Variants in TNFAIP3 observed in about 807,000 individuals in gnomAD.
TNFAIP3 encodes TNF alpha induced protein 3.
TNFAIP3 carries 9 observed loss-of-function variants against 72.4 expected under a neutral mutation model. That is an observed-to-expected ratio of 0.12 (90% CI 0.07 to 0.22). The LOEUF (loss-of-function observed/expected upper bound fraction) is 0.22, where lower values mean the gene tolerates loss of function less well. TNFAIP3 is among the 10% of genes least tolerant of loss of function. TNFAIP3 has a pLI of 1.00. For missense variants in TNFAIP3, 833 were observed against 1,018.7 expected, an observed-to-expected ratio of 0.82 and a Z score of 2.48; for synonymous variants, 339 against 372.6, an observed-to-expected ratio of 0.91 and a Z score of 1.04.
rs199763604 is a variant in TNFAIP3 at position 137,871,214 on chromosome 6, T to G, written c.-14T>G. 547 of 1,589,770 alleles carry G rather than the reference T, an allele frequency of 3.4e-4. 3 individuals are homozygous for G. The highest frequency in any genetic ancestry group is 2.5e-4 in the Admixed American group (14 of 56,338). ...TTTTTTTTTTCCTTTCCTTTTCAGG[T>G]GTTGGAGAGCACAATGGCTGAACAA... is the stretch of plus-strand genomic sequence containing the variant. On this transcript the variant is annotated splice_region_variant and 5_prime_UTR_variant, in exon 2 of 9. Transcript: ENST00000612899. This position sits in a 1 kb window ranked among gnomAD's most constrained non-coding sequence, Gnocchi z 4.2.
At chr6:137,877,314 C>A in intron 6 of TNFAIP3, 58 bp downstream of exon 6, 3 of 1,480,764 alleles carry the variant, frequency 2.0e-6, no homozygotes, top group East Asian at 2.4e-5. Flanking sequence ...TTAACCTCAG[C>A]CACCTGAGTT....
Position 137,878,934 on chromosome 6 carries a change from C to T in TNFAIP3, c.1489C>T (p.Arg497Cys), listed in dbSNP as rs2114501439. Residue 497 changes from arginine (R) to cysteine (C), a missense_variant, in exon 7 of 9, where the codon CGT becomes TGT. By Grantham distance (180) the Arg-to-Cys change is radical (BLOSUM62 -3). Transcript: ENST00000612899. ...LNVQHNGFCE[R>C]CHNARQLHAS... ...TGTGCAGCACAACGGATTTTGTGAA[C>T]GTTGCCACAACGCCCGGCAACTTCA... is the stretch of plus-strand genomic sequence containing the variant. 1 of 1,614,200 alleles carries T rather than the reference C, an allele frequency of 6.2e-7. No individual in the cohort carries two copies. Among genetic ancestry groups the T allele is most frequent in the Non-Finnish European group, 8.5e-7 (1 of 1,180,036 alleles).
intron 3 of TNFAIP3, among the ~76,000 whole-genome samples, chr6:137,875,262 A>G (rs950391319): frequency 1.3e-5 from 2 of 152,228 alleles, no homozygotes; most frequent in Admixed American, 6.5e-5. Context: ...TTCCTGTAGC[A>G]GCGAGTCTTT....
At position 137,878,994 on chromosome 6, in the gene TNFAIP3, G is replaced by A. The variant is rs140357085; in HGVS notation, c.1549G>A (p.Asp517Asn). Residue 517 changes from aspartate to asparagine, a missense_variant, in exon 7 of 9, where the codon GAT becomes AAT. Physicochemically the swap from Asp to Asn is conservative, Grantham distance 23. This residue lies in a region of TNFAIP3 where 587 missense variants were observed against 657.8 expected (regional missense o/e 0.89). Coordinates refer to ENST00000612899, the MANE Select transcript of TNFAIP3 (RefSeq NM_001270508.2). ...CGCCCCAGACCACACAAGGCACTTG[G>A]ATCCCGGGAAGTGCCAAGCCTGCCT... Reference protein sequence around the residue: ...SHAPDHTRHLDPGKCQACLQD... With the variant: ...SHAPDHTRHLNPGKCQACLQD... 3 of 1,614,108 alleles carry A rather than the reference G, an allele frequency of 1.9e-6. No individual in the cohort carries two copies. The highest frequency in any genetic ancestry group is 2.7e-5 in the African/African-American group (2 of 74,938).
Position 137,879,235 on chromosome 6 carries a change from C to T in TNFAIP3, c.1790C>T (p.Thr597Ile), listed in dbSNP as rs749301399. ...GGCTGCCTGTCTCAAGCTGCACGGA[C>T]TCCTGGGGACAGGACGGGGACGAGC... ...PAGCLSQAAR[T>I]PGDRTGTSKC... The change falls in exon 7 of 9, where the codon ACT (threonine) becomes ATT (isoleucine). Residue 597 changes from threonine (T) to isoleucine (I), a missense_variant. Around this residue, in one of 2 missense-constraint regions of TNFAIP3, gnomAD observed 587 missense variants for 657.8 expected, o/e 0.89. Coordinates refer to ENST00000612899, the MANE Select transcript of TNFAIP3 (RefSeq NM_001270508.2). 6.2e-7 allele frequency: 1 copy of T among 1,614,100 alleles called. No homozygotes were observed. Among genetic ancestry groups the T allele is most frequent in the East Asian group, 2.2e-5 (1 of 44,902 alleles).
In TNFAIP3 at chr6:137,883,157, A is replaced by C. The variant is rs1348907797; in HGVS notation, c.*1838A>C. The C allele has an allele frequency of 4.9e-6, 1 of 203,256 alleles. No homozygotes were observed. The highest frequency in any genetic ancestry group is 6.0e-5 in the Admixed American group (1 of 16,706). The allele number at this position is 203,256 out of a possible 1,614,324, so 12.6% of individuals were successfully genotyped here. Reference sequence around the variant, plus strand: ...TTCCATTCTTAATGTGAAAAAAAGTAATTATTTATACTTATTATAAAAAGT... The same window carrying C: ...TTCCATTCTTAATGTGAAAAAAAGTCATTATTTATACTTATTATAAAAAGT... On this transcript the variant is annotated 3_prime_UTR_variant, in exon 9 of 9. Transcript: ENST00000612899.
chr6:137,876,286 C>A, intron 5 of TNFAIP3, 120 bp downstream of exon 5: 1 of 853,956 alleles, frequency 1.2e-6, no homozygotes, highest in Non-Finnish European at 1.8e-6. Context: ...ATATATTGTT[C>A]TGTGACTTGC....
intron 8 of TNFAIP3, 143 bp from the exon 9 acceptor site, chr6:137,880,892 A>C: frequency 1.2e-6 from 1 of 828,284 alleles, no homozygotes; most frequent in Non-Finnish European, 1.9e-6. Context: ...CATAGACTGC[A>C]ATGCTCTCCT....
chr6:137,880,368 T>C (rs572185440), intron 8 of TNFAIP3, 116 bp downstream of exon 8: 2 of 1,132,644 alleles, frequency 1.8e-6, no homozygotes, highest in Non-Finnish European at 2.6e-6. Flanking sequence ...TGTCTCCTCA[T>C]GATAAAGGAT....
At chr6:137,874,574 G>A (rs963778752) in intron 2 of TNFAIP3, among the ~76,000 whole-genome samples, 1 of 152,174 alleles carries the variant, frequency 6.6e-6, no homozygotes, top group Admixed American at 6.5e-5. Context: ...ACCTAAACTA[G>A]TTAGGAGCAG....
At chr6:137,879,757 G>A (rs1177241310) in intron 7 of TNFAIP3, among the ~76,000 whole-genome samples, 1 of 152,174 alleles carries the variant, frequency 6.6e-6, no homozygotes, top group Non-Finnish European at 1.5e-5. Context: ...GACACTGTAA[G>A]GAAACAGATG....
In TNFAIP3 at chr6:137,878,505, A is replaced by G. The variant is rs769585030; in HGVS notation, c.1060A>G (p.Lys354Glu). Residue 354 changes from lysine to glutamate, a missense_variant, in exon 7 of 9, where the codon AAG becomes GAG. Physicochemically the swap from Lys to Glu is moderately conservative, Grantham distance 56 (BLOSUM62 1). Around this residue, in one of 2 missense-constraint regions of TNFAIP3, gnomAD observed 587 missense variants for 657.8 expected, o/e 0.89. Coordinates refer to ENST00000612899, the MANE Select transcript of TNFAIP3 (RefSeq NM_001270508.2). ...DYFELVQHEY[K>E]KWQENSEQGR... The stretch of plus-strand genomic sequence containing the variant: ...CTTTGAACTTGTTCAGCATGAGTAC[A>G]AGAAATGGCAGGAAAACAGCGAGCA... 2 of 1,614,152 alleles carry G rather than the reference A, an allele frequency of 1.2e-6. No individual in the cohort carries two copies. The highest frequency in any genetic ancestry group is 1.7e-6 in the Non-Finnish European group (2 of 1,180,060).
rs1177649716 is a variant in TNFAIP3, at chr6:137,879,140, A to C, written c.1695A>C (p.Ser565=). ...LPPSCHQRSK[S]DPSRLVRSPS... ...CTTCCTGTCACCAGCGTTCCAAGTCAGATCCCTCGCGGCTCGTCCGGAGCC... is the reference window on the plus strand; with the variant it reads ...CTTCCTGTCACCAGCGTTCCAAGTCCGATCCCTCGCGGCTCGTCCGGAGCC... The change falls in exon 7 of 9, where the codon TCA becomes TCC. Residue 565 remains serine (S), a synonymous_variant. Coordinates refer to ENST00000612899, the MANE Select transcript of TNFAIP3 (RefSeq NM_001270508.2). 6.2e-7 allele frequency: 1 copy of C among 1,614,048 alleles called. No individual in the cohort carries two copies. Among genetic ancestry groups the C allele is most frequent in the Non-Finnish European group, 8.5e-7 (1 of 1,180,046 alleles).
chr6:137,877,423 A>G (rs906963159), intron 6 of TNFAIP3, among the ~76,000 whole-genome samples, 167 bp downstream of exon 6: 1 of 152,222 alleles, frequency 6.6e-6, no homozygotes, highest in African/African-American at 2.4e-5. Context: ...AGGATTATGT[A>G]AGGCAGTACT....
rs753284576 is a variant in TNFAIP3 at position 137,879,201 on chromosome 6, G to A, written c.1756G>A (p.Ala586Thr). The A allele has an allele frequency of 2.7e-5, 43 of 1,614,018 alleles. No individual in the cohort carries two copies. The Admixed American group carries it at 6.0e-4, about 23-fold the overall frequency. Residue 586 changes from alanine (A) to threonine (T), a missense_variant, in exon 7 of 9, where the codon GCC becomes ACC. Ala to Thr is a moderately conservative substitution (Grantham distance 58, BLOSUM62 0). This residue lies in a region of TNFAIP3 where 587 missense variants were observed against 657.8 expected (regional missense o/e 0.89). Transcript: ENST00000612899. ...TTCTTGCCACAGAGCTGGAAACGAC[G>A]CCCCTGCTGGCTGCCTGTCTCAAGC... is the stretch of plus-strand genomic sequence containing the variant. ...PHSCHRAGND[A>T]PAGCLSQAAR...
In TNFAIP3 at chr6:137,878,544, G is replaced by A. The variant is rs764662789; in HGVS notation, c.1099G>A (p.Gly367Arg). The A allele has an allele frequency of 1.3e-5, 21 of 1,614,008 alleles. No homozygotes were observed. Among genetic ancestry groups the A allele is most frequent in the Non-Finnish European group, 1.8e-5 (21 of 1,179,996 alleles). ...QENSEQGRRE[G>R]HAQNPMEPSV... ...AAACAGCGAGCAGGGGAGGAGAGAG[G>A]GGCACGCCCAGAATCCCATGGAACC... Residue 367 changes from glycine (G) to arginine (R), a missense_variant, in exon 7 of 9, where the codon GGG becomes AGG. Transcript: ENST00000612899.
intron 5 of TNFAIP3, 72 bp downstream of exon 5, chr6:137,876,238 T>C (rs1270809984): frequency 1.6e-6 from 2 of 1,269,560 alleles, no homozygotes. Context: ...TTGCTTCTTA[T>C]TAAAACAGTC....
chr6:137,876,954 G>A (rs921819839), intron 5 of TNFAIP3, 122 bp from the exon 6 acceptor site: 2 of 773,230 alleles, frequency 2.6e-6, no homozygotes, highest in Admixed American at 3.5e-5. Flanking sequence ...GTTTAACTGT[G>A]GCTAAGAATA....
At position 137,883,101 on chromosome 6, in the gene TNFAIP3, T is replaced by C. The variant is rs1434101056; in HGVS notation, c.*1782T>C. 9.5e-6 allele frequency: 2 copies of C among 209,628 alleles called. No homozygotes were observed. The highest frequency in any genetic ancestry group is 4.5e-5 in the African/African-American group (2 of 44,048). 13.0% of individuals were successfully genotyped at this position (209,628 alleles called of 1,614,324 possible). On this transcript the variant is annotated 3_prime_UTR_variant, in exon 9 of 9. Transcript: ENST00000612899. ...TGTTTTCATCTAATTCTCTTAAAGT[T>C]GATATCTTAATATTTTGTGTTGATC...
Sources: allele counts gnomAD v4.1 joint callset (sites outside exome capture counted in the v4.1 genomes callset), GRCh38; gene constraint gnomAD v4.1.1; regional missense constraint gnomAD v4.1.1; non-coding constraint Gnocchi (gnomAD v3.1); transcripts MANE v1.5; gene names NCBI Gene and HGNC (gene_info 2026-07-23, HGNC 2026-07-21).